Variants in CACNA1B observed in about 807,000 individuals in gnomAD.
CACNA1B encodes the protein calcium voltage-gated channel subunit alpha1 B.
CACNA1B carries 70 observed loss-of-function variants against 247.2 expected under a neutral mutation model. That is an observed-to-expected ratio of 0.28 (90% CI 0.23 to 0.35). CACNA1B has a LOEUF of 0.35. Among genes scored for constraint, CACNA1B ranks in the 10% least tolerant of loss-of-function variants. The pLI is 1.00. For synonymous variants in CACNA1B, 1,231 were observed against 1,294.4 expected (o/e 0.95, Z 1.05); for missense variants, 2,367 against 3,197.4 (o/e 0.74, Z 6.26).
intron 36 of CACNA1B, among the ~76,000 whole-genome samples, chr9:138,092,986 C>A (rs1960928474): frequency 6.6e-6 from 1 of 152,098 alleles, no homozygotes; most frequent in African/African-American, 2.4e-5. Flanking sequence ...ATATCCATTT[C>A]TCCAAATACA....
intron 15 of CACNA1B, among the ~76,000 whole-genome samples, chr9:138,001,899 G>A (rs1185104451): frequency 6.6e-6 from 1 of 152,164 alleles, no homozygotes; most frequent in East Asian, 1.9e-4. Flanking sequence ...GTCATTCAAG[G>A]CCTTAAGGAG....
intron 20 of CACNA1B, among the ~76,000 whole-genome samples, chr9:138,033,993 C>G (rs1959014504): frequency 6.6e-6 from 1 of 152,162 alleles, no homozygotes; most frequent in African/African-American, 2.4e-5. Context: ...TTGAGTTCCA[C>G]TGACATTCTA....
intron 6 of CACNA1B, among the ~76,000 whole-genome samples, chr9:137,938,999 G>A (rs999461504): frequency 5.9e-5 from 9 of 152,096 alleles, no homozygotes; most frequent in Non-Finnish European, 1.3e-4. Context: ...TGAACCCAGA[G>A]GTGGAGGTTG....
chr9:138,082,557 A>G (rs138953527), intron 36 of CACNA1B, among the ~76,000 whole-genome samples: 2 of 151,464 alleles, frequency 1.3e-5, no homozygotes, highest in Non-Finnish European at 2.9e-5. Context: ...ATAGGTTACA[A>G]AGTCTGTTTA....
chr9:137,944,675 GA>G (rs1957773463), intron 6 of CACNA1B, among the ~76,000 whole-genome samples: 1 of 152,192 alleles, frequency 6.6e-6, no homozygotes, highest in Non-Finnish European at 1.5e-5. Flanking sequence ...AGGGTTCTCA[GA>G]ATAGCTTCCT....
intron 35 of CACNA1B, 28 bp downstream of exon 35, chr9:138,075,938 T>C (rs890370840): frequency 4.8e-6 from 7 of 1,453,446 alleles, no homozygotes; most frequent in African/African-American, 1.4e-5. Context: ...CCCAGGCCAA[T>C]GTCTGCTCTT....
intron 36 of CACNA1B, among the ~76,000 whole-genome samples, chr9:138,092,072 G>A (rs1960898798): frequency 6.6e-6 from 1 of 152,134 alleles, no homozygotes; most frequent in African/African-American, 2.4e-5. Context: ...AGATCACAAG[G>A]GCAGAGAGGC....
intron 2 of CACNA1B, among the ~76,000 whole-genome samples, chr9:137,879,436 G>A (rs906877620): frequency 2.2e-4 from 34 of 152,218 alleles, no homozygotes; most frequent in African/African-American, 8.0e-4. Context: ...CCTGGCTTTC[G>A]GCGCTAGACT....
At chr9:137,879,937 G>GA (rs1221111825) in intron 2 of CACNA1B, among the ~76,000 whole-genome samples, 3 of 152,150 alleles carry the variant, frequency 2.0e-5, no homozygotes, top group Admixed American at 2.0e-4. Context: ...TCTGGGTTCC[G>GA]AGTGTGCCTA....
intron 16 of CACNA1B, 63 bp downstream of exon 16, chr9:138,006,947 C>G: frequency 2.4e-6 from 2 of 826,508 alleles, no homozygotes; most frequent in East Asian, 5.2e-5. Context: ...TCTCCATGGC[C>G]ACCACGCGGA....
chr9:138,047,003 C>T lies in CACNA1B; in HGVS notation c.3513C>T (p.Asp1171=). The T allele has an allele frequency of 6.2e-7, 1 of 1,613,254 alleles. No homozygotes were observed. Among genetic ancestry groups the T allele is most frequent in the Non-Finnish European group, 8.5e-7 (1 of 1,179,476 alleles). The change falls in exon 22 of 47, where the codon GAC becomes GAT. Residue 1171 remains aspartate, a synonymous_variant. Transcript: ENST00000371372. ...ALSSIALAAE[D]PVRTDSPRNN... Reference sequence around the variant, plus strand: ...GCAGCATCGCCCTGGCTGCTGAGGACCCAGTGCGCACAGACTCGCCCAGGA... The same window carrying T: ...GCAGCATCGCCCTGGCTGCTGAGGATCCAGTGCGCACAGACTCGCCCAGGA...
chr9:137,892,772 C>G (rs950870602), intron 3 of CACNA1B, among the ~76,000 whole-genome samples: 1 of 152,220 alleles, frequency 6.6e-6, no homozygotes, highest in Non-Finnish European at 1.5e-5. Context: ...GGGAGTACAG[C>G]GTGTGGGGAG....
intron 10 of CACNA1B, among the ~76,000 whole-genome samples, chr9:137,958,885 G>A (rs1382715904): frequency 2.0e-5 from 3 of 152,026 alleles, no homozygotes; most frequent in African/African-American, 4.8e-5. Context: ...CCTACTGTCC[G>A]TGATGCTGGC....
rs1034348714 is a variant in CACNA1B, at chr9:137,973,990, C to G, written c.1544-1917C>G. Reference sequence around the variant, plus strand: ...GATCTAGGGTGTGGGTGCCAGCAGTCCCATCTCTGGGGCCTCTCCTCCCTG... The same window carrying G: ...GATCTAGGGTGTGGGTGCCAGCAGTGCCATCTCTGGGGCCTCTCCTCCCTG... On this transcript the variant is annotated intron_variant, in intron 11 of 46. Transcript: ENST00000371372. This position sits in a 1 kb window ranked among gnomAD's most constrained non-coding sequence, Gnocchi z 4.1. Among the ~76,000 whole-genome samples, 2 of 152,172 alleles carry G rather than the reference C, an allele frequency of 1.3e-5. No homozygotes were observed. Among genetic ancestry groups the G allele is most frequent in the African/African-American group, 4.8e-5 (2 of 41,426 alleles).
intron 35 of CACNA1B, among the ~76,000 whole-genome samples, chr9:138,077,501 C>T (rs1034376960): frequency 1.3e-5 from 2 of 152,030 alleles, no homozygotes; most frequent in Non-Finnish European, 2.9e-5. Flanking sequence ...TTCTGATGAG[C>T]GAGGCAAGTC....
rs1249396893 is a variant in CACNA1B at position 137,917,502 on chromosome 9, A to G, written c.966+71A>G. 5.8e-6 allele frequency: 8 copies of G among 1,371,676 alleles called. No individual in the cohort carries two copies. Among genetic ancestry groups the G allele is most frequent in the Non-Finnish European group, 8.1e-6 (8 of 984,492 alleles). The allele number at this position is 1,371,676 out of a possible 1,614,324, so 85.0% of individuals were successfully genotyped here. A position where few individuals can be genotyped will look rare whatever the true frequency, so the allele number is the denominator to read the frequency against. Reference sequence around the variant, plus strand: ...CCTGAGCTGGTGCCTCTGGGGGTCCATTTAGGGGGGCCCTTCTGACCTCAG... The same window carrying G: ...CCTGAGCTGGTGCCTCTGGGGGTCCGTTTAGGGGGGCCCTTCTGACCTCAG... On this transcript the variant is annotated intron_variant, in intron 6 of 46. Transcript: ENST00000371372. This position sits in a 1 kb window ranked among gnomAD's most constrained non-coding sequence, Gnocchi z 5.5.
intron 6 of CACNA1B, among the ~76,000 whole-genome samples, chr9:137,939,288 T>C (rs1957704178): frequency 6.6e-6 from 1 of 152,132 alleles, no homozygotes; most frequent in Non-Finnish European, 1.5e-5. Flanking sequence ...TATGGAACTC[T>C]CTTCAAGATA....
At chr9:138,000,255 C>T (rs1035084211) in intron 15 of CACNA1B, among the ~76,000 whole-genome samples, 36 of 152,022 alleles carry the variant, frequency 2.4e-4, no homozygotes, top group East Asian at 3.9e-4. Flanking sequence ...CCCGCCACTA[C>T]GCCCGGCTAA....
rs189870615 is a variant in CACNA1B at position 138,049,328 on chromosome 9, C to T, written c.3710+13C>T. 6.2e-4 allele frequency: 936 copies of T among 1,505,446 alleles called. 1 individual carries two copies. The highest frequency in any genetic ancestry group is 7.8e-4 in the Non-Finnish European group (843 of 1,080,902). 93.3% of individuals were successfully genotyped at this position (1,505,446 alleles called of 1,614,324 possible). ...CGTTTGCTTTCTCGTAAGTAACGTTCGCTCTGCTCTGGCTAGGGAGAGCCC... is the reference window on the plus strand; with the variant it reads ...CGTTTGCTTTCTCGTAAGTAACGTTTGCTCTGCTCTGGCTAGGGAGAGCCC... On this transcript the variant is annotated intron_variant, in intron 24 of 46. Transcript: ENST00000371372.
Sources: allele counts gnomAD v4.1 joint callset (sites outside exome capture counted in the v4.1 genomes callset), GRCh38; gene constraint gnomAD v4.1.1; non-coding constraint Gnocchi (gnomAD v3.1); transcripts MANE v1.5; gene names NCBI Gene and HGNC (gene_info 2026-07-23, HGNC 2026-07-21).